The following ALPK3 variants were observed in gnomAD, a reference collection of about 807,000 sequenced individuals.
The protein encoded by ALPK3 is alpha-protein kinase 3.
In ALPK3, 102 loss-of-function variants were observed where a neutral mutation model predicts 140.0. That is an observed-to-expected ratio of 0.73 (90% CI 0.62 to 0.86). The LOEUF (loss-of-function observed/expected upper bound fraction) is 0.86, where lower values mean the gene tolerates loss of function less well. ALPK3 is among the 40% of genes least tolerant of loss of function. The probability of loss-of-function intolerance (pLI) is 0.00; values close to 1 mark genes in which losing one functional copy is unlikely to be tolerated. For missense variants in ALPK3, 2,254 were observed against 2,208.2 expected (o/e 1.02, Z -0.42); for synonymous variants, 938 against 898.5 (o/e 1.04, Z -0.79).
Position 84,857,816 on chromosome 15 carries a change from T to C in ALPK3, c.3078T>C (p.Ser1026=). 1 of 1,610,654 alleles carries C rather than the reference T, an allele frequency of 6.2e-7. No individual in the cohort carries two copies. Among genetic ancestry groups the C allele is most frequent in the Non-Finnish European group, 8.5e-7 (1 of 1,177,812 alleles). The stretch of plus-strand genomic sequence containing the variant: ...TGGAGAACAACCACCTGGTGCAGAG[T>C]GCACAGACCCTGCTGCTGAGCCCCT... ...ERVENNHLVQ[S]AQTLLLSPCT... The change falls in exon 6 of 14, where the codon AGT becomes AGC. Residue 1026 remains serine, a synonymous_variant. Transcript: ENST00000258888.
At chr15:84,852,756 A>C (rs538912306) in intron 5 of ALPK3, 1 of 173,178 alleles carries the variant, frequency 5.8e-6, no homozygotes, top group African/African-American at 2.4e-5. Flanking sequence ...TTGCTCTTTG[A>C]AGCTAGGTCT....
rs747180813 is a variant in ALPK3 at position 84,840,870 on chromosome 15, C to G, written c.1591C>G (p.Arg531Gly). The change falls in exon 5 of 14, where the codon CGG becomes GGG. Residue 531 changes from arginine to glycine, a missense_variant. Transcript: ENST00000258888. Reference protein sequence around the residue: ...SVQVPTPPARRRHGTRDSTLQ... With the variant: ...SVQVPTPPARGRHGTRDSTLQ... ...GCAGGTGCCGACGCCCCCTGCCCGG[C>G]GGAGACATGGCACCCGGGACAGCAC... 6.2e-7 allele frequency: 1 copy of G among 1,613,668 alleles called. No individual in the cohort carries two copies.
At chr15:84,843,508 G>A (rs1183168719) in intron 5 of ALPK3, among the ~76,000 whole-genome samples, 1 of 152,170 alleles carries the variant, frequency 6.6e-6, no homozygotes, top group African/African-American at 2.4e-5. Flanking sequence ...TGGGTTTTGG[G>A]TTGGGACTCT....
intron 2 of ALPK3, among the ~76,000 whole-genome samples, chr15:84,823,937 G>A (rs1343715965): frequency 1.3e-5 from 2 of 152,150 alleles, no homozygotes; most frequent in African/African-American, 4.8e-5. Context: ...TTGAACTCCT[G>A]GCTCCAAGGG....
Position 84,856,734 on chromosome 15 carries a change from A to G in ALPK3, c.1996A>G (p.Arg666Gly), listed in dbSNP as rs1340492175. Residue 666 changes from arginine (R) to glycine (G), a missense_variant, in exon 6 of 14, where the codon AGG becomes GGG. Physicochemically the swap from Arg to Gly is moderately radical, Grantham distance 125. This residue lies in a region of ALPK3 where 2,088 missense variants were observed against 2,022.9 expected (regional missense o/e 1.03). Transcript: ENST00000258888. The part of the protein sequence containing the change: ...SAQKGMMTQG[R>G]AETQLETTQA... ...ACAGAAGGGCATGATGACACAGGGA[A>G]GGGCAGAGACACAGCTAGAAACAAC... The G allele has an allele frequency of 8.7e-6, 14 of 1,614,132 alleles. No homozygotes were observed. The highest frequency in any genetic ancestry group is 1.2e-5 in the Non-Finnish European group (14 of 1,180,030).
Position 84,868,880 on chromosome 15 carries a change from T to C in ALPK3, c.*424T>C, listed in dbSNP as rs1964035392. On this transcript the variant is annotated 3_prime_UTR_variant, in exon 14 of 14. Coordinates refer to ENST00000258888, the MANE Select transcript of ALPK3 (RefSeq NM_020778.5). ...CAGGCCAACTTTTACCCTCCTGCAT[T>C]TGCCTGGCCCTGATCTCGCCTGTCC... 1 of 191,006 alleles carries C rather than the reference T, an allele frequency of 5.2e-6. No homozygotes were observed. The highest frequency in any genetic ancestry group is 1.1e-5 in the Non-Finnish European group (1 of 90,714). The allele number at this position is 191,006 out of a possible 1,614,324, so 11.8% of individuals were successfully genotyped here.
At chr15:84,863,208 A>G (rs1341593645) in intron 10 of ALPK3, among the ~76,000 whole-genome samples, 1 of 151,940 alleles carries the variant, frequency 6.6e-6, no homozygotes, top group Non-Finnish European at 1.5e-5. Flanking sequence ...AGCCTTGTTT[A>G]TATGTGAGAT....
chr15:84,866,397 A>G (rs1964003893), intron 12 of ALPK3, among the ~76,000 whole-genome samples: 1 of 152,196 alleles, frequency 6.6e-6, no homozygotes, highest in East Asian at 1.9e-4. Flanking sequence ...CTTGTCGAGT[A>G]CCCACAGCTC....
In ALPK3 at chr15:84,859,405, C is replaced by G; in HGVS notation, c.3965+15C>G. The G allele has an allele frequency of 6.2e-7, 1 of 1,613,602 alleles. No individual in the cohort carries two copies. Among genetic ancestry groups the G allele is most frequent in the South Asian group, 1.1e-5 (1 of 90,968 alleles). ...GTGGGCAGGAGGTAAGCCAACGACA[C>G]CACTGCCACCTGACCTGGCTCCCTG... On this transcript the variant is annotated intron_variant, in intron 7 of 13. Transcript: ENST00000258888.
At chr15:84,867,578 G>T (rs1964015688) in intron 13 of ALPK3, among the ~76,000 whole-genome samples, 1 of 151,974 alleles carries the variant, frequency 6.6e-6, no homozygotes, top group Non-Finnish European at 1.5e-5. Flanking sequence ...CCACACATGG[G>T]GTCCCCTGCA....
Position 84,839,976 on chromosome 15 carries a change from C to T in ALPK3, c.697C>T (p.Pro233Ser), listed in dbSNP as rs116593882. ...RKRRLSGAQA[P>S]GPSVPTREPE... ...GCGGCGATTGAGCGGGGCTCAAGCG[C>T]CGGGCCCCTCGGTCCCTACCAGGGA... The change falls in exon 5 of 14, where the codon CCG becomes TCG. Residue 233 changes from proline (P) to serine (S), a missense_variant. This residue lies in a region of ALPK3 where 2,088 missense variants were observed against 2,022.9 expected (regional missense o/e 1.03). Transcript: ENST00000258888. 8 of 1,612,748 alleles carry T rather than the reference C, an allele frequency of 5.0e-6. No homozygotes were observed. Among genetic ancestry groups the T allele is most frequent in the African/African-American group, 1.3e-5 (1 of 74,950 alleles).
chr15:84,818,409 G>A (rs1963386139), intron 1 of ALPK3, among the ~76,000 whole-genome samples: 1 of 152,218 alleles, frequency 6.6e-6, no homozygotes, highest in South Asian at 2.1e-4. Context: ...ACGTGGACAG[G>A]CGCATTGCCA....
chr15:84,821,962 G>A (rs923352391), intron 1 of ALPK3, among the ~76,000 whole-genome samples: 23 of 152,176 alleles, frequency 1.5e-4, no homozygotes, highest in African/African-American at 5.3e-4. Flanking sequence ...GGCTGTGGTG[G>A]CGCCGGAGCA....
chr15:84,828,931 A>G (rs1301957357), intron 3 of ALPK3, among the ~76,000 whole-genome samples: 1 of 152,136 alleles, frequency 6.6e-6, no homozygotes, highest in Non-Finnish European at 1.5e-5. Context: ...TTTCCTAGAA[A>G]AACCCGGTTC....
intron 11 of ALPK3, among the ~76,000 whole-genome samples, chr15:84,864,096 C>T (rs1451959908): frequency 4.6e-5 from 7 of 152,154 alleles, no homozygotes; most frequent in Non-Finnish European, 1.0e-4. Flanking sequence ...GTCCCACTGG[C>T]AGAGAGCCAC....
intron 12 of ALPK3, among the ~76,000 whole-genome samples, chr15:84,866,113 C>G (rs186714731): frequency 6.6e-6 from 1 of 152,144 alleles, no homozygotes; most frequent in African/African-American, 2.4e-5. Flanking sequence ...CTACCTAGCA[C>G]TCAGATTTTT....
At chr15:84,858,832 T>C (rs1963902497) in intron 6 of ALPK3, among the ~76,000 whole-genome samples, 1 of 152,196 alleles carries the variant, frequency 6.6e-6, no homozygotes. Context: ...AGGGCCTGGC[T>C]TTAGTAGCGT....
intron 7 of ALPK3, 27 bp downstream of exon 7, chr15:84,859,417 G>T: frequency 6.2e-7 from 1 of 1,612,780 alleles, no homozygotes; most frequent in South Asian, 1.1e-5. Flanking sequence ...ACTGCCACCT[G>T]ACCTGGCTCC....
At chr15:84,839,621 TC>T in intron 4 of ALPK3, 80 bp from the exon 5 acceptor site, 2 of 1,478,360 alleles carry the variant, frequency 1.4e-6, no homozygotes, top group Non-Finnish European at 1.8e-6. Context: ...TGTGCCCGGC[TC>T]TGAACGGCTC....
Sources: allele counts gnomAD v4.1 joint callset (sites outside exome capture counted in the v4.1 genomes callset), GRCh38; gene constraint gnomAD v4.1.1; regional missense constraint gnomAD v4.1.1; transcripts MANE v1.5; gene names NCBI Gene and HGNC (gene_info 2026-07-23, HGNC 2026-07-21).